GRIA4: variants seen among roughly 807,000 people sequenced by gnomAD.
GRIA4 encodes the protein glutamate receptor 4.
GRIA4 carries 34 observed loss-of-function variants against 104.0 expected under a neutral mutation model. That is an observed-to-expected ratio of 0.33 (90% CI 0.25 to 0.44). The LOEUF is 0.44. Among genes scored for constraint, GRIA4 ranks in the 20% least tolerant of loss-of-function variants. The probability of loss-of-function intolerance (pLI) is 1.00; values close to 1 mark genes in which losing one functional copy is unlikely to be tolerated. For synonymous variants in GRIA4, 386 were observed against 381.9 expected (o/e 1.01, Z -0.13); for missense variants, 750 against 1,096.5 (o/e 0.68, Z 4.46).
chr11:105,971,619 T>A (rs1319057657), intron 14 of GRIA4, among the ~76,000 whole-genome samples: 1 of 152,126 alleles, frequency 6.6e-6, no homozygotes, highest in African/African-American at 2.4e-5. Context: ...GCTGCCACAT[T>A]TATGTGGGGA....
At chr11:105,711,813 T>C (rs929943413) in intron 3 of GRIA4, among the ~76,000 whole-genome samples, 2 of 152,158 alleles carry the variant, frequency 1.3e-5, no homozygotes, top group Non-Finnish European at 2.9e-5. Context: ...AAGTAGGCCT[T>C]GAGGCTCAAT....
At position 105,979,472 on chromosome 11, in the gene GRIA4, T is replaced by C. The variant is rs932717740; in HGVS notation, c.2545-103T>C. The C allele has an allele frequency of 3.9e-6, 4 of 1,018,466 alleles. No homozygotes were observed. The African/African-American group carries it at 6.4e-5, about 16-fold the overall frequency. The allele number at this position is 1,018,466 out of a possible 1,614,324, so 63.1% of individuals were successfully genotyped here. ...AAAGAACATGGAAAAAATGCAGATG[T>C]CTAATTATTTATATTTCGGTGTTTG... On this transcript the variant is annotated intron_variant, in intron 16 of 16. Transcript: ENST00000282499.
intron 3 of GRIA4, among the ~76,000 whole-genome samples, chr11:105,668,098 T>C (rs1201860981): frequency 6.6e-6 from 1 of 151,184 alleles, no homozygotes; most frequent in East Asian, 1.9e-4. Flanking sequence ...CATGCAGTAT[T>C]TGTCTTTCTG....
chr11:105,930,762 TA>T (rs1331461262), intron 13 of GRIA4, among the ~76,000 whole-genome samples: 1 of 152,074 alleles, frequency 6.6e-6, no homozygotes, highest in African/African-American at 2.4e-5. Flanking sequence ...AGTTGCCAAG[TA>T]ATTAGCATGG....
In GRIA4 at chr11:105,924,569, G is replaced by A. The variant is rs1408442024; in HGVS notation, c.1647G>A (p.Met549Ile). The A allele has an allele frequency of 3.1e-6, 5 of 1,612,910 alleles. No homozygotes were observed. Among genetic ancestry groups the A allele is most frequent in the Admixed American group, 3.3e-5 (2 of 59,908 alleles). ...FLDPLAYEIW[M>I]CIVFAYIGVS... ...ATCCTCTGGCCTATGAGATTTGGAT[G>A]TGCATAGTCTTTGCCTACATTGGTG... is the stretch of plus-strand genomic sequence containing the variant. Residue 549 changes from methionine (M) to isoleucine (I), a missense_variant, in exon 12 of 17, where the codon ATG becomes ATA. Physicochemically the swap from Met to Ile is conservative, Grantham distance 10. Around this residue, in one of 3 missense-constraint regions of GRIA4, gnomAD observed 272 missense variants for 524.5 expected, o/e 0.52. Coordinates refer to ENST00000282499, the MANE Select transcript of GRIA4 (RefSeq NM_000829.4).
intron 4 of GRIA4, among the ~76,000 whole-genome samples, chr11:105,803,001 TA>T (rs1942788595): frequency 6.6e-6 from 1 of 151,990 alleles, no homozygotes; most frequent in African/African-American, 2.4e-5. Flanking sequence ...TAAATCACAG[TA>T]ACTAACATTT....
At chr11:105,958,143 A>G (rs944992947) in intron 14 of GRIA4, among the ~76,000 whole-genome samples, 7 of 152,150 alleles carry the variant, frequency 4.6e-5, no homozygotes, top group African/African-American at 1.7e-4. Flanking sequence ...AACTTCCAAC[A>G]CTATGTTGAA....
At chr11:105,612,246 T>C in intron 2 of GRIA4, 30 bp from the exon 3 acceptor site, 1 of 1,608,780 alleles carries the variant, frequency 6.2e-7, no homozygotes, top group Non-Finnish European at 8.5e-7. Context: ...GAGGAAACAG[T>C]GAATGTGCTT....
At chr11:105,734,521 A>T (rs1461519210) in intron 3 of GRIA4, among the ~76,000 whole-genome samples, 1 of 152,066 alleles carries the variant, frequency 6.6e-6, no homozygotes, top group East Asian at 1.9e-4. Context: ...CATAAATCAG[A>T]TGATTTCGCT....
rs545593776 is a variant in GRIA4 at position 105,980,447 on chromosome 11, T to G, written c.*708T>G. 6.5e-6 allele frequency: 1 copy of G among 152,778 alleles called. No individual in the cohort carries two copies. Among genetic ancestry groups the G allele is most frequent in the Admixed American group, 6.5e-5 (1 of 15,304 alleles). 9.5% of individuals were successfully genotyped at this position (152,778 alleles called of 1,614,324 possible). A position where few individuals can be genotyped will look rare whatever the true frequency, so the allele number is the denominator to read the frequency against. Reference sequence around the variant, plus strand: ...CTGTAATAAACTTTAGAGACTTTTTTTTATAAAAGTTGTTGGTCATCTTCT... The same window carrying G: ...CTGTAATAAACTTTAGAGACTTTTTGTTATAAAAGTTGTTGGTCATCTTCT... On this transcript the variant is annotated 3_prime_UTR_variant, in exon 17 of 17. Transcript: ENST00000282499.
chr11:105,837,168 G>C (rs773765082), intron 4 of GRIA4, among the ~76,000 whole-genome samples: 1 of 152,052 alleles, frequency 6.6e-6, no homozygotes. Context: ...GACAAGAACA[G>C]CATGAGGGAA....
chr11:105,817,239 A>G (rs55735711), intron 4 of GRIA4, among the ~76,000 whole-genome samples: 4 of 151,346 alleles, frequency 2.6e-5, no homozygotes, highest in Non-Finnish European at 5.9e-5. Context: ...ATTTTTCTCA[A>G]ACTTACTCAG....
intron 3 of GRIA4, among the ~76,000 whole-genome samples, chr11:105,661,594 G>T (rs1305052981): frequency 3.3e-5 from 5 of 151,632 alleles, no homozygotes; most frequent in African/African-American, 7.3e-5. Context: ...TACCTTTAAA[G>T]AAATTCATGG....
chr11:105,864,637 G>A (rs898040315), intron 5 of GRIA4, among the ~76,000 whole-genome samples: 4 of 152,148 alleles, frequency 2.6e-5, no homozygotes, highest in Non-Finnish European at 5.9e-5. Flanking sequence ...TTGGGAGGCC[G>A]AGGCAGGTGG....
At chr11:105,670,788 A>T (rs1952336021) in intron 3 of GRIA4, among the ~76,000 whole-genome samples, 1 of 152,136 alleles carries the variant, frequency 6.6e-6, no homozygotes, top group Non-Finnish European at 1.5e-5. Flanking sequence ...TGGCTGCCAT[A>T]ACAAATTACC....
At chr11:105,681,475 T>C (rs1952708554) in intron 3 of GRIA4, among the ~76,000 whole-genome samples, 1 of 152,216 alleles carries the variant, frequency 6.6e-6, no homozygotes, top group African/African-American at 2.4e-5. Flanking sequence ...AATTCAAATA[T>C]CTATATTTCT....
At chr11:105,794,501 A>C (rs1435144861) in intron 4 of GRIA4, among the ~76,000 whole-genome samples, 1 of 122,108 alleles carries the variant, frequency 8.2e-6, no homozygotes, top group Admixed American at 8.1e-5. Flanking sequence ...ATATATATAT[A>C]TATATATATA....
intron 14 of GRIA4, among the ~76,000 whole-genome samples, chr11:105,952,002 T>C (rs980046769): frequency 2.0e-5 from 3 of 152,082 alleles, no homozygotes; most frequent in African/African-American, 4.8e-5. Context: ...GTTCTGCATA[T>C]GATGCAACTG....
At chr11:105,878,263 T>C (rs1945910687) in intron 5 of GRIA4, among the ~76,000 whole-genome samples, 1 of 152,222 alleles carries the variant, frequency 6.6e-6, no homozygotes, top group African/African-American at 2.4e-5. Flanking sequence ...TAGCAAAGAC[T>C]GATGCTTGTT....
Sources: allele counts gnomAD v4.1 joint callset (sites outside exome capture counted in the v4.1 genomes callset), GRCh38; gene constraint gnomAD v4.1.1; regional missense constraint gnomAD v4.1.1; transcripts MANE v1.5; gene names NCBI Gene and HGNC (gene_info 2026-07-23, HGNC 2026-07-21).